The following GNA14 variants were observed in gnomAD, a reference collection of about 807,000 sequenced individuals.
GNA14 encodes the protein G protein subunit alpha 14.
In GNA14, 50 loss-of-function variants were observed where a neutral mutation model predicts 42.0. The ratio of observed to expected loss-of-function variants is 1.19; its 90% confidence interval spans 0.95 to 1.51. The LOEUF is 1.51. Ranked by LOEUF, GNA14 falls within the 40% of genes most tolerant of loss-of-function variation. The probability of loss-of-function intolerance (pLI) is 0.00; values close to 1 mark genes in which losing one functional copy is unlikely to be tolerated. For synonymous variants in GNA14, 173 were observed against 163.1 expected (o/e 1.06, Z -0.46); for missense variants, 473 against 446.2 (o/e 1.06, Z -0.54).
chr9:77,646,443 C>G (rs531313464), intron 1 of GNA14, among the ~76,000 whole-genome samples: 1 of 152,206 alleles, frequency 6.6e-6, no homozygotes, highest in South Asian at 2.1e-4. Context: ...CACACCCCCC[C>G]CCAACCCCCA....
intron 1 of GNA14, among the ~76,000 whole-genome samples, chr9:77,612,394 G>T (rs1255260556): frequency 6.6e-6 from 1 of 152,168 alleles, no homozygotes; most frequent in African/African-American, 2.4e-5. Context: ...TACCAAGCCT[G>T]CAGGGAAAGT....
intron 1 of GNA14, among the ~76,000 whole-genome samples, chr9:77,553,576 G>A (rs778321819): frequency 6.6e-6 from 1 of 152,124 alleles, no homozygotes; most frequent in South Asian, 2.1e-4. Context: ...CATTATCATG[G>A]AGTGCAAATG....
chr9:77,630,222 A>G, intron 1 of GNA14, among the ~76,000 whole-genome samples: 1 of 151,358 alleles, frequency 6.6e-6, no homozygotes, highest in Non-Finnish European at 1.5e-5. Context: ...GGCTCAAGTT[A>G]TCCTCCCACT....
intron 1 of GNA14, among the ~76,000 whole-genome samples, chr9:77,564,022 G>A (rs1420486570): frequency 2.0e-5 from 3 of 152,082 alleles, no homozygotes; most frequent in Non-Finnish European, 4.4e-5. Context: ...CCCTCAGCTC[G>A]TTTGATCTAT....
At chr9:77,438,270 ATT>A (rs36094892) in intron 2 of GNA14, among the ~76,000 whole-genome samples, 7 of 146,904 alleles carry the variant, frequency 4.8e-5, no homozygotes, top group African/African-American at 1.5e-4. Context: ...ACCTGTTAAG[ATT>A]TTTTTTTTTT....
Position 77,598,966 on chromosome 9 carries a change from C to G in GNA14, c.124+48704G>C, listed in dbSNP as rs533636829. On this transcript the variant is annotated intron_variant, in intron 1 of 6. Transcript: ENST00000341700. ...ATAAACCATGAGCTGGAGATATAAA[C>G]AAGAACACCACTGCCTCTGATCTCA... Among the ~76,000 whole-genome samples, 4 of 152,292 alleles carry G rather than the reference C, an allele frequency of 2.6e-5. No homozygotes were observed. The East Asian group carries it at 7.7e-4, about 29-fold the overall frequency.
At chr9:77,430,698 G>A (rs945531583) in intron 4 of GNA14, among the ~76,000 whole-genome samples, 9 of 152,092 alleles carry the variant, frequency 5.9e-5, no homozygotes, top group Admixed American at 2.0e-4. Context: ...GGGAAACAGT[G>A]GATATAAAAG....
In GNA14 at chr9:77,512,321, T is replaced by C. The variant is rs186067371; in HGVS notation, c.309+16748A>G. Among the ~76,000 whole-genome samples, 34 of 152,354 alleles carry C rather than the reference T, an allele frequency of 2.2e-4. No individual in the cohort carries two copies. In the East Asian group the frequency reaches 6.2e-3, roughly 28 times the overall value. On this transcript the variant is annotated intron_variant, in intron 2 of 6. Coordinates refer to ENST00000341700, the MANE Select transcript of GNA14 (RefSeq NM_004297.4). ...TAGTCACTCTTCTCAAAGTTACTAC[T>C]CATATCTTAATTTTAAACTGCTAAT...
At chr9:77,595,837 G>C (rs1823457541) in intron 1 of GNA14, among the ~76,000 whole-genome samples, 2 of 152,034 alleles carry the variant, frequency 1.3e-5, no homozygotes, top group African/African-American at 4.8e-5. Context: ...AGGCAGTTAG[G>C]GATGTTTTCA....
rs540207123 is a variant in GNA14, at chr9:77,579,491, C to A, written c.125-50238G>T. Among the ~76,000 whole-genome samples the A allele has an allele frequency of 4.6e-5, 7 of 152,206 alleles. No homozygotes were observed. In the South Asian group the frequency reaches 1.5e-3, roughly 32 times the overall value. ...TTGAGGCACATTCTTTTAATTTCCC[C>A]AAAATCTAGTTGCTCCAGTTTTATA... On this transcript the variant is annotated intron_variant, in intron 1 of 6. Coordinates refer to ENST00000341700, the MANE Select transcript of GNA14 (RefSeq NM_004297.4).
chr9:77,452,330 C>T (rs1298790046), intron 2 of GNA14, among the ~76,000 whole-genome samples: 1 of 152,092 alleles, frequency 6.6e-6, no homozygotes, highest in Non-Finnish European at 1.5e-5. Context: ...CTAACTCTTA[C>T]CAAATTTTGA....
At chr9:77,477,659 A>T (rs1301334400) in intron 2 of GNA14, among the ~76,000 whole-genome samples, 1 of 152,228 alleles carries the variant, frequency 6.6e-6, no homozygotes, top group East Asian at 1.9e-4. Context: ...CATTCTCCAA[A>T]ATAAAACAGA....
chr9:77,594,275 T>G (rs1369167592), intron 1 of GNA14, among the ~76,000 whole-genome samples: 3 of 152,234 alleles, frequency 2.0e-5, no homozygotes, highest in African/African-American at 7.2e-5. Flanking sequence ...TTTTTCCAGA[T>G]AGTCAGCATT....
intron 1 of GNA14, among the ~76,000 whole-genome samples, chr9:77,609,302 C>T (rs1304233569): frequency 1.3e-5 from 2 of 152,164 alleles, no homozygotes; most frequent in African/African-American, 2.4e-5. Flanking sequence ...CCTTCTGAGA[C>T]CTCACCAGAA....
chr9:77,618,316 A>C (rs940456025), intron 1 of GNA14, among the ~76,000 whole-genome samples: 1 of 151,962 alleles, frequency 6.6e-6, no homozygotes, highest in African/African-American at 2.4e-5. Context: ...GTAAGAAACA[A>C]GTGATCTCAT....
Position 77,424,486 on chromosome 9 carries a change from G to C in GNA14, c.878-317C>G, listed in dbSNP as rs556730150. On this transcript the variant is annotated intron_variant, in intron 6 of 6. Coordinates refer to ENST00000341700, the MANE Select transcript of GNA14 (RefSeq NM_004297.4). ...GATCCACCTGCCTTGGCCTCCCAAA[G>C]TGCTGGGATTACAGGCGTGAGCCAC... 1.0e-3 allele frequency among the ~76,000 whole-genome samples: 155 copies of C among 152,282 alleles called. 1 individual carries two copies. The highest frequency in any genetic ancestry group is 3.3e-3 in the African/African-American group (137 of 41,558).
At chr9:77,452,601 G>T in intron 2 of GNA14, among the ~76,000 whole-genome samples, 1 of 404 alleles carries the variant, frequency 2.5e-3, no homozygotes, top group Non-Finnish European at 4.0e-3. Context: ...TGTGTGGTGT[G>T]TATGTGTATG....
At chr9:77,445,253 C>T (rs1308084176) in intron 2 of GNA14, among the ~76,000 whole-genome samples, 3 of 152,166 alleles carry the variant, frequency 2.0e-5, no homozygotes, top group African/African-American at 4.8e-5. Context: ...TTTGCTACAT[C>T]GCATTTCACA....
At chr9:77,479,751 G>A (rs1836507288) in intron 2 of GNA14, among the ~76,000 whole-genome samples, 1 of 152,108 alleles carries the variant, frequency 6.6e-6, no homozygotes, top group Non-Finnish European at 1.5e-5. Flanking sequence ...GGTTCTCCTT[G>A]AAGATGTCCT....
Sources: gnomAD v4.1 joint callset for allele counts (sites outside exome capture counted in the v4.1 genomes callset) on GRCh38, gnomAD v4.1.1 for gene constraint, MANE v1.5 for transcripts, NCBI Gene and HGNC (gene_info 2026-07-23, HGNC 2026-07-21) for gene names.